CDC14B: variants seen among roughly 807,000 people sequenced by gnomAD.
CDC14B encodes the protein cell division cycle 14B, also known as dual specificity protein phosphatase CDC14B.
CDC14B carries 22 observed loss-of-function variants against 64.2 expected under a neutral mutation model. That is an observed-to-expected ratio of 0.34 (90% CI 0.24 to 0.49). The LOEUF is 0.49. CDC14B is among the 20% of genes least tolerant of loss of function. The pLI, the probability that CDC14B is intolerant of heterozygous loss-of-function variation, is 0.99. For synonymous variants in CDC14B, 191 were observed against 215.8 expected, an observed-to-expected ratio of 0.89 and a Z score of 1.01; for missense variants, 498 against 629.9, an observed-to-expected ratio of 0.79 and a Z score of 2.24.
At chr9:96,555,949 AGT>A (rs1842449903) in intron 4 of CDC14B, among the ~76,000 whole-genome samples, 1 of 152,160 alleles carries the variant, frequency 6.6e-6, no homozygotes, top group Non-Finnish European at 1.5e-5. Flanking sequence ...TTGAACTAGC[AGT>A]GATGGAAGAA....
chr9:96,608,524 C>T (rs1847113869), intron 1 of CDC14B, among the ~76,000 whole-genome samples: 1 of 152,040 alleles, frequency 6.6e-6, no homozygotes. Context: ...GCAGTTCTTC[C>T]CCAGCACCCA....
At chr9:96,555,699 G>A (rs1430744444) in intron 4 of CDC14B, among the ~76,000 whole-genome samples, 1 of 152,208 alleles carries the variant, frequency 6.6e-6, no homozygotes, top group Non-Finnish European at 1.5e-5. Flanking sequence ...CTAGGATAAA[G>A]ACTCTCTCTG....
At chr9:96,618,510 G>A in intron 1 of CDC14B, 1 of 533,440 alleles carries the variant, frequency 1.9e-6, no homozygotes, top group Middle Eastern at 3.2e-4. Context: ...CTGGCTGGCT[G>A]GGATTTCTCA....
chr9:96,602,403 CAT>C (rs776600729), intron 1 of CDC14B, among the ~76,000 whole-genome samples: 7 of 152,272 alleles, frequency 4.6e-5, no homozygotes, highest in African/African-American at 9.6e-5. Context: ...TTTATTACCA[CAT>C]ATGTTAGTCC....
chr9:96,570,385 C>T (rs1464265247), intron 1 of CDC14B, among the ~76,000 whole-genome samples: 1 of 152,216 alleles, frequency 6.6e-6, no homozygotes, highest in Admixed American at 6.5e-5. Context: ...GTATTTCCCC[C>T]TTGAACTGGG....
At chr9:96,531,107 T>TA in intron 9 of CDC14B, among the ~76,000 whole-genome samples, 1 of 152,302 alleles carries the variant, frequency 6.6e-6, no homozygotes, top group East Asian at 1.9e-4. Context: ...GGCCTATAGT[T>TA]AGTTATCTTA....
intron 1 of CDC14B, among the ~76,000 whole-genome samples, chr9:96,596,703 AT>A (rs1403805148): frequency 6.6e-6 from 1 of 152,094 alleles, no homozygotes; most frequent in Non-Finnish European, 1.5e-5. Context: ...TCTACAAAAA[AT>A]ACAAAAATTA....
Position 96,613,795 on chromosome 9 carries a change from A to C in CDC14B, c.160+5424T>G, listed in dbSNP as rs1847460655. ...AAAAAGCAATTTTTTTCCTTGACTCAGTGTTCTACATAACAGCATTCCTTT... is the reference window on the plus strand; with the variant it reads ...AAAAAGCAATTTTTTTCCTTGACTCCGTGTTCTACATAACAGCATTCCTTT... On this transcript the variant is annotated intron_variant, in intron 1 of 13. Transcript: ENST00000375241. Among the ~76,000 whole-genome samples, 3 of 152,260 alleles carry C rather than the reference A, an allele frequency of 2.0e-5. No homozygotes were observed. In the South Asian group the frequency reaches 6.2e-4, roughly 32 times the overall value.
At chr9:96,554,149 C>T (rs1364878984) in intron 4 of CDC14B, among the ~76,000 whole-genome samples, 1 of 151,934 alleles carries the variant, frequency 6.6e-6, no homozygotes, top group African/African-American at 2.4e-5. Context: ...GGGCGACAGA[C>T]CAAGAGTCAG....
At position 96,515,963 on chromosome 9, in the gene CDC14B, T is replaced by A. The variant is rs1358376201; in HGVS notation, c.1344-6174A>T. On this transcript the variant is annotated intron_variant, in intron 12 of 13. Transcript: ENST00000375241. The surrounding 1 kb of genome is among the most constrained non-coding windows in gnomAD (Gnocchi z 4.3). ...ACAAGGATGGAGTTTTGCCATTTTATGTTGAATAAAAAAATGCTGTGTTTA... is the reference window on the plus strand; with the variant it reads ...ACAAGGATGGAGTTTTGCCATTTTAAGTTGAATAAAAAAATGCTGTGTTTA... Among the ~76,000 whole-genome samples, 1 of 152,240 alleles carries A rather than the reference T, an allele frequency of 6.6e-6. No individual in the cohort carries two copies. The highest frequency in any genetic ancestry group is 1.5e-5 in the Non-Finnish European group (1 of 68,042).
rs565147100 is a variant in CDC14B at position 96,566,815 on chromosome 9, A to T, written c.161-1332T>A. On this transcript the variant is annotated intron_variant, in intron 1 of 13. Transcript: ENST00000375241. ...AGCTGCCCCCGCGCCCTCCCGGCTC[A>T]TGACTCCAAAGCATCTGGAAGGCGG... The T allele has an allele frequency of 3.7e-6, 6 of 1,605,788 alleles. No homozygotes were observed. The South Asian group carries it at 4.5e-5, about 12-fold the overall frequency.
chr9:96,582,973 G>C (rs1460744879), intron 1 of CDC14B, among the ~76,000 whole-genome samples: 1 of 152,126 alleles, frequency 6.6e-6, no homozygotes, highest in East Asian at 1.9e-4. Flanking sequence ...GAGCCGATCG[G>C]GCAGATCTGG....
intron 1 of CDC14B, chr9:96,567,123 C>A (rs1042399225): frequency 3.5e-6 from 2 of 570,366 alleles, no homozygotes; most frequent in Admixed American, 6.8e-5. Flanking sequence ...GAACGCGGGG[C>A]GGCCTGTGCC....
At chr9:96,605,319 T>G (rs1846815058) in intron 1 of CDC14B, among the ~76,000 whole-genome samples, 2 of 152,078 alleles carry the variant, frequency 1.3e-5, no homozygotes, top group Non-Finnish European at 2.9e-5. Flanking sequence ...GCCTAAAGAG[T>G]CCATTTTGCC....
chr9:96,529,574 C>T (rs2131642767), intron 9 of CDC14B, among the ~76,000 whole-genome samples: 1 of 151,664 alleles, frequency 6.6e-6, no homozygotes, highest in East Asian at 1.9e-4. Context: ...TCACTGCCGC[C>T]TCAACCTCGC....
At chr9:96,538,884 G>A (rs990870297) in intron 7 of CDC14B, 194 bp downstream of exon 7, 5 of 522,558 alleles carry the variant, frequency 9.6e-6, no homozygotes, top group Non-Finnish European at 1.7e-5. Context: ...CATCACACAC[G>A]CCAAAAGACT....
chr9:96,616,477 G>A (rs1466215141), intron 1 of CDC14B, among the ~76,000 whole-genome samples: 2 of 152,282 alleles, frequency 1.3e-5, no homozygotes, highest in East Asian at 3.9e-4. Context: ...TGTAATCCCA[G>A]CACCTTGGGA....
chr9:96,618,465 A>G (rs1220344588), intron 1 of CDC14B: 2 of 533,128 alleles, frequency 3.8e-6, no homozygotes, highest in East Asian at 5.5e-5. Flanking sequence ...CAGCACTAAC[A>G]GAACAGCTAT....
intron 3 of CDC14B, 54 bp from the exon 4 acceptor site, chr9:96,562,839 C>T (rs1587981541): frequency 8.7e-7 from 1 of 1,155,256 alleles, no homozygotes; most frequent in East Asian, 2.3e-5. Flanking sequence ...AAGTCTTCCA[C>T]AATTTCATTT....
Sources: gnomAD v4.1 joint callset for allele counts (sites outside exome capture counted in the v4.1 genomes callset) on GRCh38, gnomAD v4.1.1 for gene constraint, Gnocchi (gnomAD v3.1) non-coding constraint, MANE v1.5 for transcripts, NCBI Gene and HGNC (gene_info 2026-07-23, HGNC 2026-07-21) for gene names.